Variants in CNNM4 observed in about 807,000 individuals in gnomAD.
CNNM4 encodes metal transporter CNNM4.
In CNNM4, 32 loss-of-function variants were observed where a neutral mutation model predicts 53.7. The ratio of observed to expected loss-of-function variants is 0.60; its 90% confidence interval spans 0.45 to 0.80. CNNM4 has a LOEUF of 0.80. Ranked by LOEUF, CNNM4 falls within the 30% of genes least tolerant of loss-of-function variation. The probability of loss-of-function intolerance (pLI) is 0.00; values close to 1 mark genes in which losing one functional copy is unlikely to be tolerated. For synonymous variants in CNNM4, 410 were observed against 440.0 expected, an observed-to-expected ratio of 0.93 and a Z score of 0.85; for missense variants, 784 against 1,022.0, an observed-to-expected ratio of 0.77 and a Z score of 3.17.
intron 1 of CNNM4, among the ~76,000 whole-genome samples, chr2:96,769,657 G>A (rs1441355403): frequency 6.6e-6 from 1 of 152,080 alleles, no homozygotes; most frequent in African/African-American, 2.4e-5. Context: ...CCTTGATGGA[G>A]ACGAAGAGAA....
At chr2:96,788,066 G>A (rs1220413030) in intron 1 of CNNM4, among the ~76,000 whole-genome samples, 1 of 152,088 alleles carries the variant, frequency 6.6e-6, no homozygotes, top group Non-Finnish European at 1.5e-5. Context: ...GGGATTACAG[G>A]CCTGTGCCAC....
chr2:96,767,944 T>A (rs747919123), intron 1 of CNNM4, among the ~76,000 whole-genome samples: 26 of 152,324 alleles, frequency 1.7e-4, no homozygotes, highest in East Asian at 5.8e-4. Flanking sequence ...TGATGGCACA[T>A]GCCTATAATC....
intron 5 of CNNM4, among the ~76,000 whole-genome samples, chr2:96,807,803 A>T (rs1380457463): frequency 2.0e-5 from 3 of 152,164 alleles, no homozygotes. Context: ...TGCAAACTAT[A>T]CATTCTTCCT....
At chr2:96,794,208 A>G (rs2079084590) in intron 1 of CNNM4, among the ~76,000 whole-genome samples, 1 of 152,106 alleles carries the variant, frequency 6.6e-6, no homozygotes, top group African/African-American at 2.4e-5. Flanking sequence ...TGTCCACCCT[A>G]GAGACTCTCA....
In CNNM4 at chr2:96,761,025, G is replaced by T. The variant is rs780315787; in HGVS notation, c.26G>T (p.Arg9Leu). 1 of 1,199,244 alleles carries T rather than the reference G, an allele frequency of 8.3e-7. No homozygotes were observed. Among genetic ancestry groups the T allele is most frequent in the Non-Finnish European group, 1.0e-6 (1 of 965,390 alleles). 74.3% of individuals were successfully genotyped at this position (1,199,244 alleles called of 1,614,324 possible). A position where few individuals can be genotyped will look rare whatever the true frequency, so the allele number is the denominator to read the frequency against. The change falls in exon 1 of 7, where the codon CGC becomes CTC. Residue 9 changes from arginine to leucine, a missense_variant. Physicochemically the swap from Arg to Leu is moderately radical, Grantham distance 102. Around this residue, in one of 3 missense-constraint regions of CNNM4, gnomAD observed 473 missense variants for 624.6 expected, o/e 0.76. Coordinates refer to ENST00000377075, the MANE Select transcript of CNNM4 (RefSeq NM_020184.4). This position sits in a 1 kb window ranked among gnomAD's most constrained non-coding sequence, Gnocchi z 6.0. The stretch of plus-strand genomic sequence containing the variant: ...ATGGCGCCGGTGGGCGGGGGCGGGC[G>T]CCCGGTCGGCGGACCGGCCCGCGGG... Reference protein sequence around the residue: MAPVGGGGRPVGGPARGRL... With the variant: MAPVGGGGLPVGGPARGRL...
intron 1 of CNNM4, among the ~76,000 whole-genome samples, chr2:96,792,843 C>A (rs1487903505): frequency 6.7e-6 from 1 of 150,282 alleles, no homozygotes; most frequent in African/African-American, 2.4e-5. Context: ...GTCCCATGGG[C>A]CTGATAACTG....
rs1180652454 is a variant in CNNM4, at chr2:96,799,649, G to T, written c.1948+1G>T. Reference sequence around the variant, plus strand: ...ATGGCCCTGACCTCGGTCCCCTCCGGTGAGTTGTTGGGCATGGTCTTTGCT... The same window carrying T: ...ATGGCCCTGACCTCGGTCCCCTCCGTTGAGTTGTTGGGCATGGTCTTTGCT... On this transcript the variant is annotated splice_donor_variant, in intron 5 of 6. Coordinates refer to ENST00000377075, the MANE Select transcript of CNNM4 (RefSeq NM_020184.4). LOFTEE classifies it high-confidence loss of function. The T allele has an allele frequency of 6.4e-7, 1 of 1,550,480 alleles. No homozygotes were observed. Among genetic ancestry groups the T allele is most frequent in the Non-Finnish European group, 8.7e-7 (1 of 1,145,830 alleles).
intron 1 of CNNM4, among the ~76,000 whole-genome samples, chr2:96,795,493 C>T (rs560281622): frequency 5.3e-5 from 8 of 152,146 alleles, no homozygotes; most frequent in Non-Finnish European, 8.8e-5. Context: ...CAGTACCCCC[C>T]CCCCCATCAC....
At chr2:96,798,130 G>A (rs1301105199) in intron 3 of CNNM4, 1 of 261,102 alleles carries the variant, frequency 3.8e-6, no homozygotes, top group African/African-American at 2.2e-5. Context: ...CTACTCAGGA[G>A]GCTGATGTGG....
At chr2:96,789,219 G>T (rs1354131001) in intron 1 of CNNM4, among the ~76,000 whole-genome samples, 1 of 152,186 alleles carries the variant, frequency 6.6e-6, no homozygotes, top group African/African-American at 2.4e-5. Context: ...GAGCTGTGAA[G>T]GGAAGAAATG....
rs551944590 is a variant in CNNM4, at chr2:96,811,710, A to G, written c.*2193A>G. 1 of 152,638 alleles carries G rather than the reference A, an allele frequency of 6.6e-6. No homozygotes were observed. The highest frequency in any genetic ancestry group is 2.1e-4 in the South Asian group (1 of 4,814). The allele number at this position is 152,638 out of a possible 1,614,324, so 9.5% of individuals were successfully genotyped here. On this transcript the variant is annotated 3_prime_UTR_variant, in exon 7 of 7. Coordinates refer to ENST00000377075, the MANE Select transcript of CNNM4 (RefSeq NM_020184.4). Reference sequence around the variant, plus strand: ...AGCCGCCGTATTTATTTTGCATAATATTTTAATTTGTATATTTTTGTGATT... The same window carrying G: ...AGCCGCCGTATTTATTTTGCATAATGTTTTAATTTGTATATTTTTGTGATT...
At chr2:96,805,410 T>G (rs2079192308) in intron 5 of CNNM4, among the ~76,000 whole-genome samples, 1 of 145,906 alleles carries the variant, frequency 6.9e-6, no homozygotes, top group Admixed American at 6.9e-5. Context: ...TACCCTGGCT[T>G]CTTTTCAGTT....
Position 96,797,760 on chromosome 2 carries a change from C to A in CNNM4, c.1681+113C>A. The A allele has an allele frequency of 7.0e-7, 1 of 1,421,152 alleles. No homozygotes were observed. The highest frequency in any genetic ancestry group is 9.6e-7 in the Non-Finnish European group (1 of 1,036,648). 88.0% of individuals were successfully genotyped at this position (1,421,152 alleles called of 1,614,324 possible). On this transcript the variant is annotated intron_variant, in intron 3 of 6. Transcript: ENST00000377075. The surrounding 1 kb of genome is among the most constrained non-coding windows in gnomAD (Gnocchi z 6.0). ...CGAGGGCTGCAGCAGGTGAGGGGTG[C>A]AGAGACAACACAGCCACCCCTGGAA...
At chr2:96,793,689 C>T (rs373065588) in intron 1 of CNNM4, among the ~76,000 whole-genome samples, 1 of 152,214 alleles carries the variant, frequency 6.6e-6, no homozygotes, top group Admixed American at 6.5e-5. Flanking sequence ...CCAGGCCGGG[C>T]GCGGTGGCTG....
At position 96,799,795 on chromosome 2, in the gene CNNM4, G is replaced by A. The variant is rs979825124; in HGVS notation, c.1948+147G>A. Reference sequence around the variant, plus strand: ...GGCTGGTGAGGCGGGAGCCGCCAGGGCCTGGAGCGGGTGGTGTGGAAGAGC... The same window carrying A: ...GGCTGGTGAGGCGGGAGCCGCCAGGACCTGGAGCGGGTGGTGTGGAAGAGC... On this transcript the variant is annotated intron_variant, in intron 5 of 6. Coordinates refer to ENST00000377075, the MANE Select transcript of CNNM4 (RefSeq NM_020184.4). The A allele has an allele frequency of 4.0e-6, 3 of 742,778 alleles. No homozygotes were observed. The African/African-American group carries it at 5.2e-5, about 13-fold the overall frequency. 46.0% of individuals were successfully genotyped at this position (742,778 alleles called of 1,614,324 possible). A position where few individuals can be genotyped will look rare whatever the true frequency, so the allele number is the denominator to read the frequency against.
At chr2:96,771,298 T>C (rs937737986) in intron 1 of CNNM4, among the ~76,000 whole-genome samples, 16 of 152,154 alleles carry the variant, frequency 1.1e-4, no homozygotes, top group African/African-American at 2.9e-4. Context: ...ATTTTCTTTT[T>C]TTTTTTTTTT....
intron 1 of CNNM4, among the ~76,000 whole-genome samples, chr2:96,783,792 C>A (rs1390123881): frequency 6.6e-6 from 1 of 152,166 alleles, no homozygotes; most frequent in Non-Finnish European, 1.5e-5. Flanking sequence ...CCAATGGGGA[C>A]TGGGATTGTG....
At position 96,809,524 on chromosome 2, in the gene CNNM4, G is replaced by A. The variant is rs1460796630; in HGVS notation, c.*7G>A. Reference sequence around the variant, plus strand: ...CCACGAGAATGCCATCTGACAGGAGGGCCCGGGGCCCCCTGCCCACCCTGC... The same window carrying A: ...CCACGAGAATGCCATCTGACAGGAGAGCCCGGGGCCCCCTGCCCACCCTGC... On this transcript the variant is annotated 3_prime_UTR_variant, in exon 7 of 7. Transcript: ENST00000377075. 2.5e-6 allele frequency: 4 copies of A among 1,613,948 alleles called. No homozygotes were observed. The East Asian group carries it at 6.7e-5, about 27-fold the overall frequency.
At position 96,811,318 on chromosome 2, in the gene CNNM4, G is replaced by C. The variant is rs994686863; in HGVS notation, c.*1801G>C. ...GAGCAGCTTGCTCCCAAGTCCTTTT[G>C]GAAGCTGGCAGAGCTATATTCCTGA... On this transcript the variant is annotated 3_prime_UTR_variant, in exon 7 of 7. Coordinates refer to ENST00000377075, the MANE Select transcript of CNNM4 (RefSeq NM_020184.4). 6.6e-6 allele frequency: 1 copy of C among 152,226 alleles called. No individual in the cohort carries two copies. The highest frequency in any genetic ancestry group is 1.5e-5 in the Non-Finnish European group (1 of 68,044). The allele number at this position is 152,226 out of a possible 1,614,324, so 9.4% of individuals were successfully genotyped here.
Sources: gnomAD v4.1 joint callset for allele counts (sites outside exome capture counted in the v4.1 genomes callset) on GRCh38, gnomAD v4.1.1 for gene constraint, gnomAD v4.1.1 regional missense constraint, Gnocchi (gnomAD v3.1) non-coding constraint, MANE v1.5 for transcripts, NCBI Gene and HGNC (gene_info 2026-07-23, HGNC 2026-07-21) for gene names.